Variants in SGCD observed in about 807,000 individuals in gnomAD.
SGCD encodes delta-sarcoglycan.
In SGCD, 18 loss-of-function variants were observed where a neutral mutation model predicts 36.6. The ratio of observed to expected loss-of-function variants is 0.49; its 90% confidence interval spans 0.34 to 0.73. SGCD has a LOEUF of 0.73. Among genes scored for constraint, SGCD ranks in the 30% least tolerant of loss-of-function variants. The pLI, the probability that SGCD is intolerant of heterozygous loss-of-function variation, is 0.01. For synonymous variants in SGCD, 133 were observed against 130.6 expected, an observed-to-expected ratio of 1.02 and a Z score of -0.12; for missense variants, 387 against 346.7, an observed-to-expected ratio of 1.12 and a Z score of -0.92.
chr5:156,112,372 T>C (rs1761807487), intron 1 of SGCD, among the ~76,000 whole-genome samples: 1 of 152,180 alleles, frequency 6.6e-6, no homozygotes, highest in African/African-American at 2.4e-5. Context: ...GGAAAAATAA[T>C]AGCCAGCCAC....
At position 156,428,488 on chromosome 5, in the gene SGCD, A is replaced by G. The variant is rs1020294050; in HGVS notation, c.193-80113A>G. Among the ~76,000 whole-genome samples the G allele has an allele frequency of 7.9e-5, 12 of 152,200 alleles. No homozygotes were observed. In the South Asian group the frequency reaches 1.2e-3, roughly 16 times the overall value. On this transcript the variant is annotated intron_variant, in intron 3 of 8. Coordinates refer to ENST00000337851, the MANE Select transcript of SGCD (RefSeq NM_000337.6). ...ATTTTATGTATCTTTTCAAAGAACC[A>G]GCTTTTAATTTCATTGATATTTTGT...
At chr5:156,244,886 C>T (rs1765403008) in intron 3 of SGCD, among the ~76,000 whole-genome samples, 1 of 152,206 alleles carries the variant, frequency 6.6e-6, no homozygotes. Flanking sequence ...TGTGGCCAAT[C>T]TTGTTTCATT....
intron 6 of SGCD, among the ~76,000 whole-genome samples, chr5:156,609,664 C>A (rs166809): frequency 6.6e-6 from 1 of 152,136 alleles, no homozygotes; most frequent in Non-Finnish European, 1.5e-5. Context: ...CCATTCTCCC[C>A]GTCACTTTCA....
chr5:155,954,888 T>G (rs775131025), intron 1 of SGCD, among the ~76,000 whole-genome samples: 1 of 152,070 alleles, frequency 6.6e-6, no homozygotes, highest in Non-Finnish European at 1.5e-5. Flanking sequence ...CCAGTATAAG[T>G]GCAAGTGCCT....
At chr5:156,364,040 C>G (rs1769952481) in intron 3 of SGCD, among the ~76,000 whole-genome samples, 1 of 152,114 alleles carries the variant, frequency 6.6e-6, no homozygotes, top group African/African-American at 2.4e-5. Context: ...TACTCAAGGC[C>G]TCTGGGCTGT....
At chr5:155,861,697 G>A in the SGCD span, among the ~76,000 whole-genome samples, 1,051 of 151,986 alleles carry the variant, frequency 6.9e-3, 8 homozygotes, top group Non-Finnish European at 0.012. Context: ...CAGCCTGGGC[G>A]ACAGAGCAAA....
chr5:156,193,580 G>C (rs964064761), intron 3 of SGCD, among the ~76,000 whole-genome samples: 1 of 152,122 alleles, frequency 6.6e-6, no homozygotes, highest in South Asian at 2.1e-4. Flanking sequence ...CTAGGTGAGA[G>C]AGCATGGTGT....
intron 3 of SGCD, among the ~76,000 whole-genome samples, chr5:156,450,369 T>C (rs905423663): frequency 6.6e-6 from 1 of 152,010 alleles, no homozygotes; most frequent in Non-Finnish European, 1.5e-5. Context: ...CTATGCACAC[T>C]GGATAGGGGG....
intron 3 of SGCD, among the ~76,000 whole-genome samples, chr5:156,357,791 C>T (rs186750849): frequency 9.1e-4 from 138 of 152,032 alleles, no homozygotes; most frequent in Non-Finnish European, 1.3e-3. Flanking sequence ...AAAAATTATG[C>T]ATTTTGACCG....
chr5:155,774,396 T>A, the SGCD span, among the ~76,000 whole-genome samples: 1 of 152,148 alleles, frequency 6.6e-6, no homozygotes, highest in Non-Finnish European at 1.5e-5. Flanking sequence ...CTTGTTGTGG[T>A]TTCCTACTGT....
intron 1 of SGCD, among the ~76,000 whole-genome samples, chr5:156,328,073 A>C (rs1767892239): frequency 6.6e-6 from 1 of 152,236 alleles, no homozygotes; most frequent in South Asian, 2.1e-4. Context: ...ACTGCAAAAG[A>C]GCTTTTTATA....
chr5:155,910,195 C>A (rs1395408887), intron 1 of SGCD, among the ~76,000 whole-genome samples: 1 of 151,958 alleles, frequency 6.6e-6, no homozygotes, highest in African/African-American at 2.4e-5. Context: ...CCCCAATGTC[C>A]TCGACTAACA....
intron 3 of SGCD, among the ~76,000 whole-genome samples, chr5:156,413,301 A>G (rs1772866882): frequency 6.6e-6 from 1 of 152,192 alleles, no homozygotes; most frequent in South Asian, 2.1e-4. Flanking sequence ...ACTTATGCTG[A>G]GATGCACGAG....
At chr5:156,097,024 C>T (rs1761395015) in intron 1 of SGCD, among the ~76,000 whole-genome samples, 1 of 151,458 alleles carries the variant, frequency 6.6e-6, no homozygotes, top group East Asian at 1.9e-4. Context: ...GAAAAATGTG[C>T]TACTTTCTTT....
chr5:156,016,334 C>T (rs1758977481), intron 1 of SGCD, among the ~76,000 whole-genome samples: 1 of 152,022 alleles, frequency 6.6e-6, no homozygotes, highest in African/African-American at 2.4e-5. Context: ...ATTTTAAATG[C>T]AGTTAGGTTT....
At chr5:156,493,083 A>G (rs1756019303) in intron 3 of SGCD, among the ~76,000 whole-genome samples, 1 of 152,140 alleles carries the variant, frequency 6.6e-6, no homozygotes, top group Non-Finnish European at 1.5e-5. Context: ...ATACCCAGTA[A>G]TGGGATTGCT....
Position 156,760,486 on chromosome 5 carries a change from A to G in SGCD, c.*1096A>G, listed in dbSNP as rs1229060697. The G allele has an allele frequency of 6.6e-6, 1 of 152,296 alleles. No homozygotes were observed. The highest frequency in any genetic ancestry group is 2.4e-5 in the African/African-American group (1 of 41,440). The allele number at this position is 152,296 out of a possible 1,614,324, so 9.4% of individuals were successfully genotyped here. A position where few individuals can be genotyped will look rare whatever the true frequency, so the allele number is the denominator to read the frequency against. On this transcript the variant is annotated 3_prime_UTR_variant, in exon 9 of 9. Transcript: ENST00000337851. Reference sequence around the variant, plus strand: ...AACTCTCTGACTTTGTTCTTCTTATATATTTTTTCAGTGCCGGGATATTCA... The same window carrying G: ...AACTCTCTGACTTTGTTCTTCTTATGTATTTTTTCAGTGCCGGGATATTCA...
chr5:155,872,385 ACT>A (rs1554101405), intron 1 of SGCD, among the ~76,000 whole-genome samples: 2,427 of 147,496 alleles, frequency 0.016, 25 homozygotes, highest in Non-Finnish European at 0.025. Context: ...ACACACACAC[ACT>A]CTCATGGAAA....
At chr5:156,438,925 G>T (rs1753368371) in intron 3 of SGCD, among the ~76,000 whole-genome samples, 1 of 152,142 alleles carries the variant, frequency 6.6e-6, no homozygotes, top group South Asian at 2.1e-4. Context: ...AAACAAACCT[G>T]AGAGAGTTAC....
Sources: allele counts gnomAD v4.1 joint callset (sites outside exome capture counted in the v4.1 genomes callset), GRCh38; gene constraint gnomAD v4.1.1; transcripts MANE v1.5; gene names NCBI Gene and HGNC (gene_info 2026-07-23, HGNC 2026-07-21).